The following PRDM15 variants were observed in gnomAD, a reference collection of about 807,000 sequenced individuals.
PRDM15 encodes the protein PR domain zinc finger protein 15.
PRDM15 carries 64 observed loss-of-function variants against 128.6 expected under a neutral mutation model. That is an observed-to-expected ratio of 0.50 (90% CI 0.41 to 0.61). PRDM15 has a LOEUF of 0.61. PRDM15 is among the 20% of genes least tolerant of loss of function. PRDM15 has a pLI of 0.00. For synonymous variants in PRDM15, 615 were observed against 621.8 expected, an observed-to-expected ratio of 0.99 and a Z score of 0.16; for missense variants, 1,242 against 1,569.1, an observed-to-expected ratio of 0.79 and a Z score of 3.52.
chr21:41,841,816 G>A (rs1048334659), intron 6 of PRDM15, among the ~76,000 whole-genome samples: 3 of 152,128 alleles, frequency 2.0e-5, no homozygotes, highest in African/African-American at 4.8e-5. Context: ...AAATTAAGAT[G>A]TATGTATTAA....
intron 5 of PRDM15, among the ~76,000 whole-genome samples, chr21:41,849,487 G>A (rs753043728): frequency 2.2e-4 from 34 of 151,922 alleles, no homozygotes; most frequent in Admixed American, 3.9e-4. Context: ...AGAATTGCTC[G>A]AACTCGGGAG....
At chr21:41,824,597 G>A (rs548770575) in intron 13 of PRDM15, among the ~76,000 whole-genome samples, 2 of 152,356 alleles carry the variant, frequency 1.3e-5, no homozygotes, top group East Asian at 1.9e-4. Context: ...CCCCCAAGGG[G>A]CAGAGGTCAG....
intron 10 of PRDM15, 130 bp downstream of exon 10, chr21:41,835,983 C>A: frequency 2.2e-6 from 1 of 447,658 alleles, no homozygotes; most frequent in East Asian, 5.0e-5. Context: ...ACTCTCCTCC[C>A]TCCCCCACAG....
At position 41,834,551 on chromosome 21, in the gene PRDM15, G is replaced by T. The variant is rs532904541; in HGVS notation, c.1366+886C>A. Reference sequence around the variant, plus strand: ...TGCCGCCGGGCCCCCCCTCTCCAGGGTGTGCTATGAGTCCTAGAGAGAGGG... The same window carrying T: ...TGCCGCCGGGCCCCCCCTCTCCAGGTTGTGCTATGAGTCCTAGAGAGAGGG... On this transcript the variant is annotated intron_variant, in intron 11 of 23. Coordinates refer to ENST00000398548, the MANE Select transcript of PRDM15 (RefSeq NM_001040424.3). The T allele has an allele frequency of 3.3e-5, 51 of 1,549,940 alleles. No homozygotes were observed. In the Admixed American group the frequency reaches 1.0e-3, roughly 30 times the overall value.
chr21:41,820,760 T>C (rs527395414), intron 16 of PRDM15, among the ~76,000 whole-genome samples: 29 of 152,338 alleles, frequency 1.9e-4, no homozygotes, highest in African/African-American at 7.0e-4. Flanking sequence ...CTGGCATTAA[T>C]GAAATCTAAT....
At chr21:41,864,309 C>T (rs1490529007) in intron 1 of PRDM15, among the ~76,000 whole-genome samples, 2 of 152,166 alleles carry the variant, frequency 1.3e-5, no homozygotes, top group Non-Finnish European at 2.9e-5. Flanking sequence ...GGATCACAGT[C>T]TTAAAACATA....
At chr21:41,824,728 C>T (rs533588742) in intron 13 of PRDM15, among the ~76,000 whole-genome samples, 1 of 152,366 alleles carries the variant, frequency 6.6e-6, no homozygotes, top group Admixed American at 6.5e-5. Context: ...AGCCCTGCCC[C>T]TCCAGCCCAC....
Position 41,859,474 on chromosome 21 carries a change from C to A in PRDM15, c.131+118G>T. 1.2e-6 allele frequency: 1 copy of A among 831,272 alleles called. No individual in the cohort carries two copies. Among genetic ancestry groups the A allele is most frequent in the East Asian group, 2.7e-5 (1 of 37,686 alleles). 51.5% of individuals were successfully genotyped at this position (831,272 alleles called of 1,614,324 possible). A position where few individuals can be genotyped will look rare whatever the true frequency, so the allele number is the denominator to read the frequency against. On this transcript the variant is annotated intron_variant, in intron 3 of 23. Transcript: ENST00000398548. This position sits in a 1 kb window ranked among gnomAD's most constrained non-coding sequence, Gnocchi z 5.3. ...GTGGGAGCGGAATCGCTGGCTCTCA[C>A]TCAGAGTGCCTCTGTTCTCCCTCAG...
In PRDM15 at chr21:41,862,025, G is replaced by A. The variant is rs775911916; in HGVS notation, c.-9-1653C>T. On this transcript the variant is annotated intron_variant, in intron 1 of 23. Transcript: ENST00000398548. The surrounding 1 kb of genome is among the most constrained non-coding windows in gnomAD (Gnocchi z 4.1). The stretch of plus-strand genomic sequence containing the variant: ...CCCAGTTCCTGTGGATGGGCACCTC[G>A]GCGCAAATAGGGACCAGTCTGGGAT... 1.4e-5 allele frequency: 22 copies of A among 1,588,050 alleles called. No individual in the cohort carries two copies. The Middle Eastern group carries it at 5.0e-4, about 36-fold the overall frequency.
At chr21:41,877,756 T>C (rs781518249) in intron 1 of PRDM15, 1 of 152,232 alleles carries the variant, frequency 6.6e-6, no homozygotes, top group Non-Finnish European at 1.5e-5. Flanking sequence ...AATTTATTTA[T>C]TTGTCTTCTG....
chr21:41,848,266 T>C (rs1457212668), intron 5 of PRDM15, among the ~76,000 whole-genome samples: 1 of 152,162 alleles, frequency 6.6e-6, no homozygotes, highest in African/African-American at 2.4e-5. Context: ...AAGGATGCAA[T>C]GAATGAAGGA....
chr21:41,847,623 G>A (rs986372905), intron 5 of PRDM15, among the ~76,000 whole-genome samples: 4 of 152,166 alleles, frequency 2.6e-5, no homozygotes, highest in Non-Finnish European at 4.4e-5. Context: ...TGGCGCCCCC[G>A]TGTGTGGCTG....
chr21:41,847,412 C>G lies in PRDM15; in HGVS notation c.539-221G>C, dbSNP rs1248976422. ...GACTGTCCCCTTTTCACAGATGAGGCAACTGAGCACAGAGACACGCCTGCT... is the reference window on the plus strand; with the variant it reads ...GACTGTCCCCTTTTCACAGATGAGGGAACTGAGCACAGAGACACGCCTGCT... On this transcript the variant is annotated intron_variant, in intron 5 of 23. Transcript: ENST00000398548. Among the ~76,000 whole-genome samples, 7 of 152,158 alleles carry G rather than the reference C, an allele frequency of 4.6e-5. No homozygotes were observed. In the East Asian group the frequency reaches 1.3e-3, roughly 29 times the overall value.
chr21:41,852,428 A>G (rs2063458675), intron 5 of PRDM15, among the ~76,000 whole-genome samples: 1 of 152,188 alleles, frequency 6.6e-6, no homozygotes, highest in African/African-American at 2.4e-5. Flanking sequence ...GCCTCGCAGG[A>G]CTTGGAAACG....
At chr21:41,807,398 C>T (rs540571394) in intron 21 of PRDM15, among the ~76,000 whole-genome samples, 32 of 152,254 alleles carry the variant, frequency 2.1e-4, no homozygotes, top group Middle Eastern at 3.4e-3. Flanking sequence ...GTGACTCCAA[C>T]GAACACCTTC....
At chr21:41,870,774 T>A (rs1422311536) in intron 1 of PRDM15, 1 of 152,224 alleles carries the variant, frequency 6.6e-6, no homozygotes, top group African/African-American at 2.4e-5. Context: ...AGAAGGATGG[T>A]CCACACTGCA....
intron 1 of PRDM15, among the ~76,000 whole-genome samples, chr21:41,869,228 A>G (rs1219445179): frequency 1.3e-5 from 2 of 152,030 alleles, no homozygotes; most frequent in Non-Finnish European, 2.9e-5. Context: ...TGTGATTACC[A>G]CATCTAAGAC....
chr21:41,816,227 TCGGACGCG>T (rs1055902363), intron 18 of PRDM15, among the ~76,000 whole-genome samples: 59 of 152,360 alleles, frequency 3.9e-4, no homozygotes, highest in Non-Finnish European at 3.7e-4. Context: ...TGATTGGGAT[TCGGACGCG>T]AGATGGTTTC....
intron 19 of PRDM15, chr21:41,812,572 T>C (rs998427785): frequency 2.6e-5 from 4 of 152,186 alleles, no homozygotes; most frequent in Non-Finnish European, 4.4e-5. Flanking sequence ...GCGACTCTGA[T>C]TGAGAGAGTC....
Sources: allele counts gnomAD v4.1 joint callset (sites outside exome capture counted in the v4.1 genomes callset), GRCh38; gene constraint gnomAD v4.1.1; non-coding constraint Gnocchi (gnomAD v3.1); transcripts MANE v1.5; gene names NCBI Gene and HGNC (gene_info 2026-07-23, HGNC 2026-07-21).